Variants in RNF169 observed in about 807,000 individuals in gnomAD.
The protein encoded by RNF169 is ring finger protein 169.
In RNF169, 24 loss-of-function variants were observed where a neutral mutation model predicts 53.9. The ratio of observed to expected loss-of-function variants is 0.45; its 90% CI spans 0.32 to 0.63. RNF169 has a LOEUF of 0.63. Ranked by LOEUF, RNF169 falls within the 20% of genes least tolerant of loss-of-function variation. The pLI is 0.04. For synonymous variants in RNF169, 396 were observed against 363.5 expected (o/e 1.09, Z -1.02); for missense variants, 883 against 906.2 (o/e 0.97, Z 0.33).
At position 74,748,873 on chromosome 11, in the gene RNF169, G is replaced by A; in HGVS notation, c.-8G>A. 7.1e-7 allele frequency: 1 copy of A among 1,406,884 alleles called. No homozygotes were observed. The highest frequency in any genetic ancestry group is 9.4e-7 in the Non-Finnish European group (1 of 1,069,136). 87.2% of individuals were successfully genotyped at this position (1,406,884 alleles called of 1,614,324 possible). A position where few individuals can be genotyped will look rare whatever the true frequency, so the allele number is the denominator to read the frequency against. On this transcript the variant is annotated 5_prime_UTR_variant, in exon 1 of 6. Transcript: ENST00000299563. ...CGCAACCGACTCTCCCTTCAAACGG[G>A]AAACAAGATGGCGGCTGCAGGTCCG...
intron 1 of RNF169, among the ~76,000 whole-genome samples, chr11:74,772,481 T>G (rs983823645): frequency 6.6e-6 from 1 of 151,586 alleles, no homozygotes; most frequent in Non-Finnish European, 1.5e-5. Flanking sequence ...GGTTTTTTTT[T>G]TTTTTTTTTT....
intron 1 of RNF169, among the ~76,000 whole-genome samples, chr11:74,758,916 C>T (rs1483385267): frequency 8.6e-4 from 127 of 148,092 alleles, no homozygotes; most frequent in Non-Finnish European, 1.4e-3. Flanking sequence ...GCCATTTTCA[C>T]GATATTGATT....
chr11:74,760,471 A>C (rs1194631525), intron 1 of RNF169, among the ~76,000 whole-genome samples: 14 of 152,004 alleles, frequency 9.2e-5, no homozygotes, highest in Non-Finnish European at 1.5e-4. Context: ...TCCCTCTACA[A>C]ACTGCTTTGA....
intron 1 of RNF169, among the ~76,000 whole-genome samples, chr11:74,789,128 C>T (rs572656): frequency 0.13 from 19,193 of 152,160 alleles, 1,408 homozygotes; most frequent in African/African-American, 0.2. Flanking sequence ...CTAACAATTC[C>T]GTAGTGGTTG....
intron 2 of RNF169, among the ~76,000 whole-genome samples, chr11:74,805,610 T>C (rs2035791920): frequency 6.6e-6 from 1 of 152,132 alleles, no homozygotes; most frequent in Admixed American, 6.5e-5. Flanking sequence ...CATGGGAGAA[T>C]ATTCTGATGA....
At chr11:74,775,131 A>T (rs2035314432) in intron 1 of RNF169, among the ~76,000 whole-genome samples, 2 of 152,340 alleles carry the variant, frequency 1.3e-5, no homozygotes, top group African/African-American at 4.8e-5. Context: ...ATATCAAGTC[A>T]TGTTTGTATT....
intron 1 of RNF169, among the ~76,000 whole-genome samples, chr11:74,774,374 A>G (rs1048149414): frequency 6.6e-6 from 1 of 151,052 alleles, no homozygotes; most frequent in African/African-American, 2.4e-5. Flanking sequence ...AAAACAAGAA[A>G]CAAACAAAAA....
chr11:74,766,862 C>T (rs1207086064), intron 1 of RNF169, among the ~76,000 whole-genome samples: 1 of 152,166 alleles, frequency 6.6e-6, no homozygotes, highest in African/African-American at 2.4e-5. Context: ...ATAAATAAAA[C>T]GTTTCCAGAC....
At chr11:74,781,332 C>T (rs1047164841) in intron 1 of RNF169, among the ~76,000 whole-genome samples, 3 of 152,210 alleles carry the variant, frequency 2.0e-5, no homozygotes, top group African/African-American at 4.8e-5. Flanking sequence ...AATATAACAT[C>T]ACCCAGGGCC....
chr11:74,833,810 T>A (rs2135152050), intron 4 of RNF169, among the ~76,000 whole-genome samples: 1 of 152,290 alleles, frequency 6.6e-6, no homozygotes, highest in East Asian at 1.9e-4. Context: ...CAGGTGACAG[T>A]CATCTGCACA....
chr11:74,785,505 C>T (rs112308738), intron 1 of RNF169, among the ~76,000 whole-genome samples: 38 of 150,574 alleles, frequency 2.5e-4, no homozygotes, highest in African/African-American at 8.8e-4. Context: ...TAAGATAGAA[C>T]GTAGGATTAA....
intron 2 of RNF169, among the ~76,000 whole-genome samples, chr11:74,800,269 C>T (rs2035710632): frequency 6.6e-6 from 1 of 152,026 alleles, no homozygotes; most frequent in African/African-American, 2.4e-5. Flanking sequence ...TTTCCAGATT[C>T]AAATCAGGGT....
intron 4 of RNF169, 46 bp downstream of exon 4, chr11:74,817,760 G>A: frequency 1.6e-6 from 2 of 1,258,020 alleles, no homozygotes; most frequent in South Asian, 1.2e-5. Flanking sequence ...TGGTTTTGGG[G>A]TATGAGATAA....
At chr11:74,796,894 A>T (rs998489541) in intron 2 of RNF169, among the ~76,000 whole-genome samples, 2 of 152,160 alleles carry the variant, frequency 1.3e-5, no homozygotes, top group Non-Finnish European at 2.9e-5. Flanking sequence ...TATGTTGTCC[A>T]GGCTGGAATG....
intron 1 of RNF169, among the ~76,000 whole-genome samples, chr11:74,769,171 T>C (rs2035221184): frequency 6.6e-6 from 1 of 152,218 alleles, no homozygotes; most frequent in South Asian, 2.1e-4. Context: ...TACAAATCAT[T>C]ATGATGACAG....
At chr11:74,777,410 T>A (rs1193977866) in intron 1 of RNF169, among the ~76,000 whole-genome samples, 1 of 152,182 alleles carries the variant, frequency 6.6e-6, no homozygotes, top group Non-Finnish European at 1.5e-5. Context: ...TTGGTCTGCC[T>A]AGGATAAAAG....
intron 1 of RNF169, among the ~76,000 whole-genome samples, chr11:74,783,323 T>C (rs1434512081): frequency 2.6e-5 from 4 of 152,120 alleles, no homozygotes; most frequent in Non-Finnish European, 5.9e-5. Context: ...CAGGGAACTA[T>C]AGCTGTTCCT....
intron 2 of RNF169, among the ~76,000 whole-genome samples, chr11:74,808,853 T>A (rs2035837959): frequency 6.6e-6 from 1 of 152,216 alleles, no homozygotes; most frequent in Non-Finnish European, 1.5e-5. Flanking sequence ...TAGTTTTGTT[T>A]TCTCCCCAGC....
intron 2 of RNF169, among the ~76,000 whole-genome samples, chr11:74,809,053 G>C (rs1193194791): frequency 6.6e-6 from 1 of 152,116 alleles, no homozygotes; most frequent in Non-Finnish European, 1.5e-5. Context: ...ATAGAAATCA[G>C]AAACATAAGG....
Sources: gnomAD v4.1 joint callset for allele counts (sites outside exome capture counted in the v4.1 genomes callset) on GRCh38, gnomAD v4.1.1 for gene constraint, MANE v1.5 for transcripts, NCBI Gene and HGNC (gene_info 2026-07-23, HGNC 2026-07-21) for gene names.